Variants in ASAP3 observed in about 807,000 individuals in gnomAD.
The protein encoded by ASAP3 is ArfGAP with SH3 domain, ankyrin repeat and PH domain 3, also known as arf-GAP with SH3 domain, ANK repeat and PH domain-containing protein 3.
A neutral mutation model predicts 118.2 loss-of-function variants in ASAP3; 85 were observed. The ratio of observed to expected loss-of-function variants is 0.72; its 90% CI spans 0.60 to 0.86. The LOEUF (loss-of-function observed/expected upper bound fraction) is 0.86. Ranked by LOEUF, ASAP3 falls within the 40% of genes least tolerant of loss-of-function variation. The probability of loss-of-function intolerance (pLI) is 0.00; values close to 1 mark genes in which losing one functional copy is unlikely to be tolerated. For synonymous variants in ASAP3, 432 were observed against 477.4 expected, an observed-to-expected ratio of 0.90 and a Z score of 1.24; for missense variants, 1,026 against 1,175.0, an observed-to-expected ratio of 0.87 and a Z score of 1.85.
At position 23,471,941 on chromosome 1, in the gene ASAP3, G is replaced by C. The variant is rs375177461; in HGVS notation, c.129+12064C>G. Among the ~76,000 whole-genome samples, 14 of 152,242 alleles carry C rather than the reference G, an allele frequency of 9.2e-5. No homozygotes were observed. In the East Asian group the frequency reaches 2.7e-3, roughly 29 times the overall value. Reference sequence around the variant, plus strand: ...TTTTATTGCTTTTTAACACAACCCAGACAACACGGATGAACCTTGAAAACA... The same window carrying C: ...TTTTATTGCTTTTTAACACAACCCACACAACACGGATGAACCTTGAAAACA... On this transcript the variant is annotated intron_variant, in intron 1 of 24. Coordinates refer to ENST00000336689, the MANE Select transcript of ASAP3 (RefSeq NM_017707.4).
intron 1 of ASAP3, among the ~76,000 whole-genome samples, chr1:23,476,146 G>C (rs1642121311): frequency 6.6e-6 from 1 of 151,966 alleles, no homozygotes; most frequent in Non-Finnish European, 1.5e-5. Flanking sequence ...AGGAGTTTGA[G>C]AACAGCCTGG....
intron 1 of ASAP3, among the ~76,000 whole-genome samples, chr1:23,460,517 A>C (rs1379402227): frequency 1.3e-4 from 20 of 151,172 alleles, no homozygotes; most frequent in Admixed American, 5.3e-4. Flanking sequence ...AAAAAAAAAA[A>C]AAAAAAAAAC....
intron 1 of ASAP3, among the ~76,000 whole-genome samples, chr1:23,473,974 C>CTTTTTTTTTTTTTTTTTTTTTTTTTT (rs10664798): frequency 4.2e-5 from 3 of 72,104 alleles, no homozygotes; most frequent in African/African-American, 1.4e-4. Context: ...TAAATCTGCT[C>CTTTTTTTTTTTTTTTTTTTTTTTTTT]TTTTTTTTTT....
intron 4 of ASAP3, 103 bp from the exon 5 acceptor site, chr1:23,451,631 A>G: frequency 7.9e-7 from 1 of 1,266,084 alleles, no homozygotes. Context: ...TGCTCCCCTG[A>G]GCTGCTCAGA....
rs1363651314 is a variant in ASAP3, at chr1:23,434,558, G to A, written c.1810C>T (p.Leu604=). ...CCGTTCTGGATGATGAAATCCACCA[G>A]AGGCAGGGAAGCCTGGTTGGCGACT... ...VKVANQASLP[L]VDFIIQNGGH... is the part of the protein sequence containing the mutation. The change falls in exon 18 of 25, where the codon CTG becomes TTG. Residue 604 remains leucine, a synonymous_variant. Coordinates refer to ENST00000336689, the MANE Select transcript of ASAP3 (RefSeq NM_017707.4). The A allele has an allele frequency of 6.2e-7, 1 of 1,614,136 alleles. No homozygotes were observed.
chr1:23,449,026 T>G (rs1253032859), intron 5 of ASAP3, among the ~76,000 whole-genome samples: 2 of 144,632 alleles, frequency 1.4e-5, no homozygotes, highest in Non-Finnish European at 1.5e-5. Flanking sequence ...CTGCTGACAG[T>G]CACACTGTTT....
intron 23 of ASAP3, 125 bp downstream of exon 23, chr1:23,431,571 T>G: frequency 3.2e-6 from 3 of 930,084 alleles, no homozygotes; most frequent in Non-Finnish European, 4.7e-6. Flanking sequence ...TCTGCATAAG[T>G]GATGGGCCCA....
chr1:23,445,811 T>C (rs1641029829), intron 5 of ASAP3, among the ~76,000 whole-genome samples: 1 of 151,734 alleles, frequency 6.6e-6, no homozygotes, highest in African/African-American at 2.4e-5. Context: ...CGTTTCTACT[T>C]TAAAACAAAA....
intron 22 of ASAP3, among the ~76,000 whole-genome samples, chr1:23,432,288 C>T (rs549506277): frequency 3.5e-4 from 54 of 152,226 alleles, no homozygotes; most frequent in Middle Eastern, 3.4e-3. Flanking sequence ...ATTACAGGCA[C>T]GAGCCACCAC....
At position 23,442,226 on chromosome 1, in the gene ASAP3, A is replaced by G. The variant is rs1171880370; in HGVS notation, c.631T>C (p.Phe211Leu). ...GESQMKQGPDFLQSLIKFFHA... is the reference protein window; with the variant it reads ...GESQMKQGPDLLQSLIKFFHA... ...AAGAACTTGATGAGGCTCTGAAGGA[A>G]GTCAGGACCTTGCTTCATCTGGCTC... Residue 211 changes from phenylalanine (F) to leucine (L), a missense_variant, in exon 7 of 25, where the codon TTC becomes CTC. By Grantham distance (22) the Phe-to-Leu change is conservative. Coordinates refer to ENST00000336689, the MANE Select transcript of ASAP3 (RefSeq NM_017707.4). The G allele has an allele frequency of 6.2e-7, 1 of 1,607,982 alleles. No homozygotes were observed.
In ASAP3 at chr1:23,436,877, T is replaced by A; in HGVS notation, c.1476+34A>T. The A allele has an allele frequency of 6.3e-7, 1 of 1,599,154 alleles. No homozygotes were observed. Among genetic ancestry groups the A allele is most frequent in the Non-Finnish European group, 8.5e-7 (1 of 1,173,900 alleles). On this transcript the variant is annotated intron_variant, in intron 15 of 24. Transcript: ENST00000336689. The surrounding 1 kb of genome is among the most constrained non-coding windows in gnomAD (Gnocchi z 4.2). ...GATGAAACTACACCCCTAACTCCGC[T>A]TCTGGCCCCTTCCAGGCCCCGCCCC...
In ASAP3 at chr1:23,438,637, A is replaced by T; in HGVS notation, c.1102+110T>A. On this transcript the variant is annotated intron_variant, in intron 12 of 24. Transcript: ENST00000336689. The surrounding 1 kb of genome is among the most constrained non-coding windows in gnomAD (Gnocchi z 4.9). ...TCTGCAGTAGCAGCAATTCGACACC[A>T]TGTGTGGAACTGGACACAGACCCCT... 1 of 869,320 alleles carries T rather than the reference A, an allele frequency of 1.2e-6. No homozygotes were observed. Among genetic ancestry groups the T allele is most frequent in the Non-Finnish European group, 1.8e-6 (1 of 542,552 alleles). The allele number at this position is 869,320 out of a possible 1,614,324, so 53.9% of individuals were successfully genotyped here. A position where few individuals can be genotyped will look rare whatever the true frequency, so the allele number is the denominator to read the frequency against.
chr1:23,439,088 A>G (rs371454762), intron 11 of ASAP3, 73 bp downstream of exon 11: 6 of 1,565,328 alleles, frequency 3.8e-6, no homozygotes, highest in Non-Finnish European at 5.3e-6. Flanking sequence ...GGAGGGCTTG[A>G]CATTATTTGC....
At chr1:23,459,208 C>CA (rs1457958144) in intron 1 of ASAP3, among the ~76,000 whole-genome samples, 6 of 150,464 alleles carry the variant, frequency 4.0e-5, no homozygotes, top group Admixed American at 4.0e-4. Context: ...GAACAATTTC[C>CA]AAAAAAATTT....
intron 5 of ASAP3, among the ~76,000 whole-genome samples, chr1:23,450,299 A>G (rs1641173213): frequency 6.6e-6 from 1 of 152,240 alleles, no homozygotes; most frequent in Non-Finnish European, 1.5e-5. Flanking sequence ...CTCCAATGAC[A>G]GGAACAGATT....
At chr1:23,473,333 G>A (rs1278712041) in intron 1 of ASAP3, among the ~76,000 whole-genome samples, 1 of 152,178 alleles carries the variant, frequency 6.6e-6, no homozygotes, top group African/African-American at 2.4e-5. Flanking sequence ...AACCAGTCAA[G>A]TTAGAGAACC....
chr1:23,444,544 C>T (rs967825893), intron 5 of ASAP3, among the ~76,000 whole-genome samples: 2 of 152,208 alleles, frequency 1.3e-5, no homozygotes, highest in African/African-American at 4.8e-5. Flanking sequence ...ATCTGGAAAA[C>T]GGAGATTCTT....
chr1:23,446,818 A>G (rs890540560), intron 5 of ASAP3, among the ~76,000 whole-genome samples: 15 of 152,246 alleles, frequency 9.9e-5, no homozygotes, highest in African/African-American at 3.6e-4. Context: ...TGCCTGGAAC[A>G]TCAATCATCC....
intron 1 of ASAP3, among the ~76,000 whole-genome samples, chr1:23,460,723 T>C (rs1641560108): frequency 1.3e-5 from 2 of 152,176 alleles, no homozygotes; most frequent in South Asian, 2.1e-4. Context: ...CTCCTTCATA[T>C]TTTCTCAATG....
Sources: allele counts gnomAD v4.1 joint callset (sites outside exome capture counted in the v4.1 genomes callset), GRCh38; gene constraint gnomAD v4.1.1; non-coding constraint Gnocchi (gnomAD v3.1); transcripts MANE v1.5; gene names NCBI Gene and HGNC (gene_info 2026-07-23, HGNC 2026-07-21).